The following TNXB variants were observed in gnomAD, a reference collection of about 807,000 sequenced individuals.
TNXB encodes the protein tenascin-X.
Under a neutral mutation model 340.5 loss-of-function variants are expected in TNXB, and 183 were observed. The ratio of observed to expected loss-of-function variants is 0.54; its 90% CI spans 0.48 to 0.61. The LOEUF (loss-of-function observed/expected upper bound fraction) is 0.61. TNXB is among the 20% of genes least tolerant of loss of function. TNXB has a pLI of 0.00. For synonymous variants in TNXB, 2,121 were observed against 2,314.5 expected (o/e 0.92, Z 2.40); for missense variants, 4,613 against 5,446.4 (o/e 0.85, Z 4.82).
Position 32,108,433 on chromosome 6 carries a change from G to A in TNXB, c.-9+748C>T, listed in dbSNP as rs1016898230. ...AAGGGGAGCCTGGAAGGGGCACAGAGTGAAGACGGAGCCCCTGTGCCCCCA... is the reference window on the plus strand; with the variant it reads ...AAGGGGAGCCTGGAAGGGGCACAGAATGAAGACGGAGCCCCTGTGCCCCCA... On this transcript the variant is annotated intron_variant, in intron 1 of 43. Coordinates refer to ENST00000644971, the MANE Select transcript of TNXB (RefSeq NM_001365276.2). The surrounding 1 kb of genome is among the most constrained non-coding windows in gnomAD (Gnocchi z 4.8). Among the ~76,000 whole-genome samples the A allele has an allele frequency of 1.3e-5, 2 of 152,148 alleles. No homozygotes were observed. The highest frequency in any genetic ancestry group is 2.9e-5 in the Non-Finnish European group (2 of 68,010).
At chr6:32,106,469 T>C (rs951986486) in intron 1 of TNXB, among the ~76,000 whole-genome samples, 2 of 152,006 alleles carry the variant, frequency 1.3e-5, no homozygotes, top group African/African-American at 4.8e-5. Context: ...GATGTGTCAC[T>C]GGTAGGCGGA....
In TNXB at chr6:32,087,891, C is replaced by T. The variant is rs565859180; in HGVS notation, c.2779+894G>A. ...CCCTTTCCTCTGCTGGCCTCGAGGGCCAAGGGGGCCGTGGGGGCCGCGGGG... is the reference window on the plus strand; with the variant it reads ...CCCTTTCCTCTGCTGGCCTCGAGGGTCAAGGGGGCCGTGGGGGCCGCGGGG... On this transcript the variant is annotated intron_variant, in intron 6 of 43. Transcript: ENST00000644971. The surrounding 1 kb of genome is among the most constrained non-coding windows in gnomAD (Gnocchi z 9.0). The T allele has an allele frequency of 6.8e-5, 26 of 379,828 alleles. No individual in the cohort carries two copies. In the East Asian group the frequency reaches 1.9e-3, roughly 27 times the overall value. The allele number at this position is 379,828 out of a possible 1,614,324, so 23.5% of individuals were successfully genotyped here. A position where few individuals can be genotyped will look rare whatever the true frequency, so the allele number is the denominator to read the frequency against.
At chr6:32,095,231 A>C (rs1317585796) in intron 3 of TNXB, 40 bp from the exon 4 acceptor site, 1 of 1,474,790 alleles carries the variant, frequency 6.8e-7, no homozygotes, top group Non-Finnish European at 9.3e-7. Flanking sequence ...GGTTAGCACA[A>C]GGCAACCACC....
rs2269428 is a variant in TNXB at position 32,062,423 on chromosome 6, G to T, written c.6902C>A (p.Pro2301His). 4,649 of 1,612,802 alleles carry T rather than the reference G, an allele frequency of 2.9e-3. 150 individuals carry two copies. In the East Asian group the frequency reaches 0.073, roughly 25 times the overall value. ...CAGCTCCTCCAGGCGAGGCTTGATG[G>T]GGGGTTCAGGGGTGGGAGGTTCTGT... is the stretch of plus-strand genomic sequence containing the variant. ...ASTEPPTPEP[P>H]IKPRLEELTV... The change falls in exon 20 of 44, where the codon CCC becomes CAC. Residue 2301 changes from proline to histidine, a missense_variant. Transcript: ENST00000644971. This position sits in a 1 kb window ranked among gnomAD's most constrained non-coding sequence, Gnocchi z 4.3.
In TNXB at chr6:32,070,182, G is replaced by C; in HGVS notation, c.5223C>G (p.Leu1741=). 1 of 1,610,356 alleles carries C rather than the reference G, an allele frequency of 6.2e-7. No homozygotes were observed. The highest frequency in any genetic ancestry group is 1.3e-5 in the African/African-American group (1 of 75,018). Residue 1741 remains leucine (L), a synonymous_variant, in exon 14 of 44, where the codon CTC becomes CTG. Transcript: ENST00000644971. This position sits in a 1 kb window ranked among gnomAD's most constrained non-coding sequence, Gnocchi z 6.0. Reference sequence around the variant, plus strand: ...GGCGCTTCTTGCCCAGGAGGCCATAGAGGAGGAATCTGTACTTGCGGCCGG... The same window carrying C: ...GGCGCTTCTTGCCCAGGAGGCCATACAGGAGGAATCTGTACTTGCGGCCGG... ...LDAGRKYRFL[L]YGLLGKKRHG...
Position 32,068,470 on chromosome 6 carries a change from G to A in TNXB, c.6140C>T (p.Pro2047Leu), listed in dbSNP as rs1778536275. ...EEGVTISGLE[P>L]DHKYKMNLYG... is the part of the protein sequence containing the mutation. Reference sequence around the variant, plus strand: ...CAGGTTCATCTTGTATTTATGGTCTGGCTCCAGGCCCGAGATGGTGACCCC... The same window carrying A: ...CAGGTTCATCTTGTATTTATGGTCTAGCTCCAGGCCCGAGATGGTGACCCC... Residue 2047 changes from proline to leucine, a missense_variant, in exon 17 of 44, where the codon CCA (proline) becomes CTA (leucine). Around this residue, in one of 7 missense-constraint regions of TNXB, gnomAD observed 4,327 missense variants for 4,859.4 expected, o/e 0.89. Transcript: ENST00000644971. The surrounding 1 kb of genome is among the most constrained non-coding windows in gnomAD (Gnocchi z 5.3). 1 of 1,613,886 alleles carries A rather than the reference G, an allele frequency of 6.2e-7. No homozygotes were observed. Among genetic ancestry groups the A allele is most frequent in the South Asian group, 1.1e-5 (1 of 91,092 alleles).
In TNXB at chr6:32,047,996, C is replaced by T. The variant is rs777306398; in HGVS notation, c.10062G>A (p.Pro3354=). Residue 3354 remains proline, a synonymous_variant, in exon 30 of 44, where the codon CCG becomes CCA. Coordinates refer to ENST00000644971, the MANE Select transcript of TNXB (RefSeq NM_001365276.2). This position sits in a 1 kb window ranked among gnomAD's most constrained non-coding sequence, Gnocchi z 6.2. ...VEARTAPDTK[P]SPRLGELTVT... ...CAGTCAGCTCCCCCAGGCGGGGAGA[C>T]GGTTTGGTGTCTGGGGCTGGAAAAG... 5.7e-5 allele frequency: 91 copies of T among 1,608,298 alleles called. No individual in the cohort carries two copies. The highest frequency in any genetic ancestry group is 7.2e-5 in the Non-Finnish European group (85 of 1,177,504).
chr6:32,109,232 C>A lies in TNXB; in HGVS notation c.-60G>T, dbSNP rs1461164622. 1 of 152,350 alleles carries A rather than the reference C, an allele frequency of 6.6e-6. No individual in the cohort carries two copies. The highest frequency in any genetic ancestry group is 1.5e-5 in the Non-Finnish European group (1 of 68,144). 9.4% of individuals were successfully genotyped at this position (152,350 alleles called of 1,614,324 possible). ...TCTGCACCTGCTCTGTCCCCAACCC[C>A]GGGAGGGCGGCGTCTCAGGGCAGGA... On this transcript the variant is annotated 5_prime_UTR_variant, in exon 1 of 44. Coordinates refer to ENST00000644971, the MANE Select transcript of TNXB (RefSeq NM_001365276.2).
chr6:32,062,009 C>T lies in TNXB; in HGVS notation c.7168+148G>A, dbSNP rs1778047733. The T allele has an allele frequency of 3.4e-6, 4 of 1,168,810 alleles. No homozygotes were observed. The highest frequency in any genetic ancestry group is 4.7e-6 in the Non-Finnish European group (4 of 845,996). The allele number at this position is 1,168,810 out of a possible 1,614,324, so 72.4% of individuals were successfully genotyped here. ...CAGGGGGAGCCAGGGGTCAACCACA[C>T]AAAAAGGTACAATGGGAGCCCCAGC... On this transcript the variant is annotated intron_variant, in intron 20 of 43. Coordinates refer to ENST00000644971, the MANE Select transcript of TNXB (RefSeq NM_001365276.2). This position sits in a 1 kb window ranked among gnomAD's most constrained non-coding sequence, Gnocchi z 4.3.
intron 4 of TNXB, among the ~76,000 whole-genome samples, chr6:32,093,994 T>C (rs1328771163): frequency 2.0e-5 from 3 of 147,558 alleles, no homozygotes; most frequent in Non-Finnish European, 4.4e-5. Flanking sequence ...CTTGGGAGGC[T>C]GAGGTAAGAG....
Position 32,043,793 on chromosome 6 carries a change from C to T in TNXB, c.11486G>A (p.Arg3829Gln), listed in dbSNP as rs889575324. The T allele has an allele frequency of 3.6e-5, 58 of 1,613,400 alleles. No homozygotes were observed. The highest frequency in any genetic ancestry group is 1.6e-4 in the Middle Eastern group (1 of 6,084). The part of the protein sequence containing the change: ...ARYEVTVVSV[R>Q]GFEESEPLTG... ...GAGAGGCTCACTCTCCTCAAAGCCTCGGACCGAGACCACGGTCACCTCATA... is the reference window on the plus strand; with the variant it reads ...GAGAGGCTCACTCTCCTCAAAGCCTTGGACCGAGACCACGGTCACCTCATA... Residue 3829 changes from arginine (R) to glutamine (Q), a missense_variant, in exon 35 of 44, where the codon CGA becomes CAA. Arg to Gln is a conservative substitution (Grantham distance 43). Transcript: ENST00000644971.
At chr6:32,056,360 G>A (rs1221134121) in intron 23 of TNXB, among the ~76,000 whole-genome samples, 186 bp from the exon 24 acceptor site, 1 of 152,266 alleles carries the variant, frequency 6.6e-6, no homozygotes, top group East Asian at 1.9e-4. Context: ...AGGGTCAGCT[G>A]TGGGGGACCT....
At chr6:32,102,469 C>T (rs774639502) in intron 1 of TNXB, among the ~76,000 whole-genome samples, 3 of 152,202 alleles carry the variant, frequency 2.0e-5, no homozygotes, top group Admixed American at 6.5e-5. Context: ...CCTATTGCTA[C>T]ATGCAACATG....
rs751108946 is a variant in TNXB at position 32,047,790 on chromosome 6, A to C, written c.10268T>G (p.Leu3423Arg). The part of the protein sequence containing the change: ...LEPSRKYRFL[L>R]YGLSGRKRLG... ...TCGTTTCCTGCCTGACAGACCATAG[A>C]GCAGGAACCTGTATTTCCTACTGGG... The change falls in exon 30 of 44, where the codon CTC becomes CGC. Residue 3423 changes from leucine (L) to arginine (R), a missense_variant. Leu to Arg is a moderately radical substitution (Grantham distance 102). This residue lies in a region of TNXB where 4,327 missense variants were observed against 4,859.4 expected (regional missense o/e 0.89). Transcript: ENST00000644971. The surrounding 1 kb of genome is among the most constrained non-coding windows in gnomAD (Gnocchi z 6.2). 1 of 1,610,096 alleles carries C rather than the reference A, an allele frequency of 6.2e-7. No individual in the cohort carries two copies. Among genetic ancestry groups the C allele is most frequent in the South Asian group, 1.1e-5 (1 of 90,530 alleles).
At chr6:32,076,953 G>A (rs1019186543) in intron 11 of TNXB, among the ~76,000 whole-genome samples, 1 of 152,152 alleles carries the variant, frequency 6.6e-6, no homozygotes, top group Non-Finnish European at 1.5e-5. Flanking sequence ...CTGCACTCCA[G>A]CCTGGGTGAC....
Position 32,069,889 on chromosome 6 carries a change from G to T in TNXB, c.5279-28C>A. ...GAGATGGAGACACGGAGAGGAAACG[G>T]CTGAGCTGTTTCTGGAAGACTGGGT... On this transcript the variant is annotated intron_variant, in intron 14 of 43. Transcript: ENST00000644971. The surrounding 1 kb of genome is among the most constrained non-coding windows in gnomAD (Gnocchi z 6.2). 1 of 1,559,740 alleles carries T rather than the reference G, an allele frequency of 6.4e-7. No individual in the cohort carries two copies.
In TNXB at chr6:32,056,073, G is replaced by A. The variant is rs1190086828; in HGVS notation, c.8245C>T (p.Pro2749Ser). 2 of 1,612,836 alleles carry A rather than the reference G, an allele frequency of 1.2e-6. No homozygotes were observed. Among genetic ancestry groups the A allele is most frequent in the East Asian group, 2.2e-5 (1 of 44,878 alleles). The change falls in exon 24 of 44, where the codon CCT (proline) becomes TCT (serine). Residue 2749 changes from proline (P) to serine (S), a missense_variant. Transcript: ENST00000644971. ...GTCCAGGAGAGGCTCAGCGAGTCAG[G>A]GGAGGATCCTGTCACTGTCAGCTCC... is the stretch of plus-strand genomic sequence containing the variant. ...LGELTVTGSS[P>S]DSLSLSWTIP...
At chr6:32,088,024 G>A (rs1230215337) in intron 6 of TNXB, 1 of 282,292 alleles carries the variant, frequency 3.5e-6, no homozygotes, top group Non-Finnish European at 7.0e-6. Context: ...GAACAGGTCA[G>A]TGGCAGCTCC....
Position 32,061,744 on chromosome 6 carries a change from G to C in TNXB, c.7169-24C>G. 1.2e-6 allele frequency: 2 copies of C among 1,605,096 alleles called. No individual in the cohort carries two copies. The highest frequency in any genetic ancestry group is 1.7e-6 in the Non-Finnish European group (2 of 1,174,280). On this transcript the variant is annotated intron_variant, in intron 20 of 43. Coordinates refer to ENST00000644971, the MANE Select transcript of TNXB (RefSeq NM_001365276.2). The surrounding 1 kb of genome is among the most constrained non-coding windows in gnomAD (Gnocchi z 4.4). The stretch of plus-strand genomic sequence containing the variant: ...AGCTGAGAAAAAGGGACACAGAGAG[G>C]ATGGCAGGGTCCCTGGGGGATGTGC...
Sources: allele counts gnomAD v4.1 joint callset (sites outside exome capture counted in the v4.1 genomes callset), GRCh38; gene constraint gnomAD v4.1.1; regional missense constraint gnomAD v4.1.1; non-coding constraint Gnocchi (gnomAD v3.1); transcripts MANE v1.5; gene names NCBI Gene and HGNC (gene_info 2026-07-23, HGNC 2026-07-21).